Variants in ERBB4 observed in about 807,000 individuals in gnomAD.
ERBB4 encodes receptor tyrosine-protein kinase erbB-4.
ERBB4 carries 42 observed loss-of-function variants against 158.0 expected under a neutral mutation model. The observed-to-expected ratio is 0.27, with a 90% confidence interval of 0.21 to 0.34. The LOEUF (loss-of-function observed/expected upper bound fraction) is 0.34, where lower values mean the gene tolerates loss of function less well. Ranked by LOEUF, ERBB4 falls within the 10% of genes least tolerant of loss-of-function variation. ERBB4 has a pLI of 1.00. For synonymous variants in ERBB4, 583 were observed against 558.7 expected (o/e 1.04, Z -0.61); for missense variants, 1,333 against 1,624.1 (o/e 0.82, Z 3.08).
At position 211,765,211 on chromosome 2, in the gene ERBB4, T is replaced by C. The variant is rs535554225; in HGVS notation, c.557-14507A>G. Among the ~76,000 whole-genome samples, 14 of 152,248 alleles carry C rather than the reference T, an allele frequency of 9.2e-5. No homozygotes were observed. In the South Asian group the frequency reaches 2.9e-3, roughly 32 times the overall value. On this transcript the variant is annotated intron_variant, in intron 4 of 27. Coordinates refer to ENST00000342788, the MANE Select transcript of ERBB4 (RefSeq NM_005235.3). ...CTTGGAGACAAGATTCAAACTCATGTAGAAACACCCACCTTGAGCTCAGAC... is the reference window on the plus strand; with the variant it reads ...CTTGGAGACAAGATTCAAACTCATGCAGAAACACCCACCTTGAGCTCAGAC...
intron 19 of ERBB4, among the ~76,000 whole-genome samples, chr2:211,587,384 T>C (rs867539130): frequency 1.1e-4 from 17 of 152,190 alleles, no homozygotes; most frequent in Middle Eastern, 3.4e-3. Context: ...CACGCTGGAA[T>C]AGAGCATACC....
chr2:211,379,262 A>G lies in ERBB4; in HGVS notation c.*4353T>C, dbSNP rs2062533828. The G allele has an allele frequency of 4.4e-6, 1 of 229,246 alleles. No individual in the cohort carries two copies. The highest frequency in any genetic ancestry group is 5.7e-5 in the Admixed American group (1 of 17,620). The allele number at this position is 229,246 out of a possible 1,614,324, so 14.2% of individuals were successfully genotyped here. On this transcript the variant is annotated 3_prime_UTR_variant, in exon 28 of 28. Coordinates refer to ENST00000342788, the MANE Select transcript of ERBB4 (RefSeq NM_005235.3). ...TTGTCTCTGCATAAGGTAATAGAACATTTACATTTTCTTTACTTCATCTTG... is the reference window on the plus strand; with the variant it reads ...TTGTCTCTGCATAAGGTAATAGAACGTTTACATTTTCTTTACTTCATCTTG...
intron 1 of ERBB4, among the ~76,000 whole-genome samples, chr2:212,515,292 T>C (rs554891488): frequency 6.6e-6 from 1 of 152,304 alleles, no homozygotes; most frequent in East Asian, 1.9e-4. Flanking sequence ...TGAGAGCAGG[T>C]TGGATTTTTA....
intron 2 of ERBB4, among the ~76,000 whole-genome samples, chr2:211,983,152 G>A (rs1428371571): frequency 6.6e-6 from 1 of 152,090 alleles, no homozygotes. Context: ...TTTGGAAGGT[G>A]GAAAGAATTT....
At chr2:211,827,299 T>A (rs569440919) in intron 3 of ERBB4, among the ~76,000 whole-genome samples, 1 of 152,200 alleles carries the variant, frequency 6.6e-6, no homozygotes, top group East Asian at 1.9e-4. Flanking sequence ...ACCTAAGAGC[T>A]CTTCTAAGCA....
intron 1 of ERBB4, among the ~76,000 whole-genome samples, chr2:212,186,056 T>A (rs1357139): frequency 6.6e-6 from 1 of 152,046 alleles, no homozygotes; most frequent in Non-Finnish European, 1.5e-5. Context: ...TACATTGTTT[T>A]TAATTGTCTG....
chr2:211,662,245 A>G (rs1171687307), intron 15 of ERBB4, among the ~76,000 whole-genome samples: 1 of 152,014 alleles, frequency 6.6e-6, no homozygotes, highest in African/African-American at 2.4e-5. Context: ...ACGGACATTA[A>G]ATGAGCACAT....
chr2:212,449,650 G>A (rs567369437), intron 1 of ERBB4, among the ~76,000 whole-genome samples: 1 of 151,916 alleles, frequency 6.6e-6, no homozygotes, highest in South Asian at 2.1e-4. Flanking sequence ...CTTCTTTGTA[G>A]ACTATATTAG....
chr2:212,255,696 T>G (rs1368997583), intron 1 of ERBB4, among the ~76,000 whole-genome samples: 1 of 152,176 alleles, frequency 6.6e-6, no homozygotes, highest in South Asian at 2.1e-4. Context: ...CAATGACCAT[T>G]TCCTTTGAAT....
At chr2:211,562,878 T>C (rs976243555) in intron 19 of ERBB4, among the ~76,000 whole-genome samples, 3 of 149,388 alleles carry the variant, frequency 2.0e-5, no homozygotes, top group Non-Finnish European at 3.0e-5. Context: ...TTCACGCCAT[T>C]CTCCTGCCTC....
intron 12 of ERBB4, among the ~76,000 whole-genome samples, chr2:211,701,703 C>T (rs1354979957): frequency 7.0e-6 from 1 of 142,002 alleles, no homozygotes; most frequent in Non-Finnish European, 1.5e-5. Context: ...TTGCAGTGAG[C>T]CGAGATCTCG....
At chr2:212,272,997 T>C (rs1008183189) in intron 1 of ERBB4, among the ~76,000 whole-genome samples, 1 of 151,720 alleles carries the variant, frequency 6.6e-6, no homozygotes, top group Non-Finnish European at 1.5e-5. Context: ...ATGGCCAACA[T>C]ATTTCTATAA....
chr2:212,369,806 C>T (rs762340315), intron 1 of ERBB4, among the ~76,000 whole-genome samples: 1 of 151,560 alleles, frequency 6.6e-6, no homozygotes, highest in Non-Finnish European at 1.5e-5. Context: ...AATCCTCCTG[C>T]CTCAGCCTCA....
intron 16 of ERBB4, among the ~76,000 whole-genome samples, chr2:211,645,660 T>C (rs2070758955): frequency 6.6e-6 from 1 of 151,610 alleles, no homozygotes; most frequent in African/African-American, 2.4e-5. Context: ...TTTGGCAACT[T>C]TTGGTGAAAA....
intron 2 of ERBB4, among the ~76,000 whole-genome samples, chr2:212,088,460 A>G (rs754357481): frequency 2.0e-5 from 3 of 152,198 alleles, no homozygotes; most frequent in Non-Finnish European, 4.4e-5. Flanking sequence ...AAGAATTCTC[A>G]TAACCACACA....
At chr2:212,263,649 A>G (rs2085024823) in intron 1 of ERBB4, among the ~76,000 whole-genome samples, 1 of 152,048 alleles carries the variant, frequency 6.6e-6, no homozygotes, top group Non-Finnish European at 1.5e-5. Flanking sequence ...AACTGTATTA[A>G]TACATTATAA....
At chr2:212,091,557 G>A (rs1465675508) in intron 2 of ERBB4, among the ~76,000 whole-genome samples, 1 of 152,200 alleles carries the variant, frequency 6.6e-6, no homozygotes, top group East Asian at 1.9e-4. Flanking sequence ...CATGACCCCT[G>A]AAGGGTGAGA....
At chr2:211,875,331 A>G (rs1264591143) in intron 3 of ERBB4, among the ~76,000 whole-genome samples, 1 of 152,168 alleles carries the variant, frequency 6.6e-6, no homozygotes, top group Admixed American at 6.5e-5. Flanking sequence ...CGATGCTTTG[A>G]TGATTACAAA....
intron 3 of ERBB4, among the ~76,000 whole-genome samples, chr2:211,847,076 A>G (rs2077608542): frequency 2.6e-5 from 4 of 152,264 alleles, no homozygotes; most frequent in Admixed American, 2.6e-4. Flanking sequence ...GAGTAAGAGA[A>G]ACTTGGTCCA....
Sources: allele counts gnomAD v4.1 joint callset (sites outside exome capture counted in the v4.1 genomes callset), GRCh38; gene constraint gnomAD v4.1.1; transcripts MANE v1.5; gene names NCBI Gene and HGNC (gene_info 2026-07-23, HGNC 2026-07-21).